The following NALF1 variants were observed in gnomAD, a reference collection of about 807,000 sequenced individuals.
NALF1 encodes the protein family with sequence similarity 155 member A.
A neutral mutation model predicts 48.4 loss-of-function variants in NALF1; 3 were observed. That is an observed-to-expected ratio of 0.06 (90% CI 0.03 to 0.16). NALF1 has a LOEUF of 0.16. Among genes scored for constraint, NALF1 ranks in the 10% least tolerant of loss-of-function variants. NALF1 has a pLI of 1.00. For synonymous variants in NALF1, 262 were observed against 245.7 expected (o/e 1.07, Z -0.62); for missense variants, 526 against 571.5 (o/e 0.92, Z 0.81).
chr13:107,639,099 T>C (rs568946828), intron 1 of NALF1, among the ~76,000 whole-genome samples: 1 of 152,228 alleles, frequency 6.6e-6, no homozygotes, highest in South Asian at 2.1e-4. Context: ...AGAGAAATAA[T>C]GAAAAAAAGC....
chr13:107,373,056 A>G (rs912163596), intron 1 of NALF1, among the ~76,000 whole-genome samples: 1 of 152,206 alleles, frequency 6.6e-6, no homozygotes, highest in Admixed American at 6.5e-5. Context: ...CTTTGGGATT[A>G]GTTCATGTAA....
intron 1 of NALF1, among the ~76,000 whole-genome samples, chr13:107,591,471 T>G (rs1453259820): frequency 6.6e-6 from 1 of 152,012 alleles, no homozygotes; most frequent in Non-Finnish European, 1.5e-5. Context: ...TTTACTTACT[T>G]TATTATACAC....
At chr13:107,379,460 A>AT (rs902527692) in intron 1 of NALF1, among the ~76,000 whole-genome samples, 83 of 152,138 alleles carry the variant, frequency 5.5e-4, no homozygotes, top group African/African-American at 2.0e-3. Flanking sequence ...TACCCTTTAC[A>AT]TTTTTCTGAG....
intron 1 of NALF1, among the ~76,000 whole-genome samples, chr13:107,274,093 T>A (rs1001066476): frequency 6.6e-6 from 1 of 152,186 alleles, no homozygotes; most frequent in South Asian, 2.1e-4. Context: ...AATTTTTATA[T>A]GTATGAAACT....
At chr13:107,527,896 G>C (rs1876497597) in intron 1 of NALF1, among the ~76,000 whole-genome samples, 1 of 152,036 alleles carries the variant, frequency 6.6e-6, no homozygotes, top group Non-Finnish European at 1.5e-5. Flanking sequence ...CCAGTCTCAG[G>C]TATGTCTTTA....
At chr13:107,845,206 T>C (rs1294302928) in intron 1 of NALF1, among the ~76,000 whole-genome samples, 2 of 152,332 alleles carry the variant, frequency 1.3e-5, no homozygotes, top group East Asian at 3.9e-4. Context: ...CATTTTGGCA[T>C]GACCCAAGTC....
At chr13:107,235,658 T>A (rs1204174836) in intron 1 of NALF1, among the ~76,000 whole-genome samples, 3 of 152,244 alleles carry the variant, frequency 2.0e-5, no homozygotes, top group Admixed American at 6.5e-5. Context: ...CATCCATTTT[T>A]AAAAATACTT....
chr13:107,813,243 GA>G lies in NALF1; in HGVS notation c.915+52438del, dbSNP rs560641439. On this transcript the variant is annotated intron_variant, in intron 1 of 2. Transcript: ENST00000375915. ...TTTCCCCATAGCAAATTATCACAGT[GA>G]ACAATGAAACCAAAGCTATAATTAA... 1.0e-3 allele frequency among the ~76,000 whole-genome samples: 155 copies of G among 152,208 alleles called. 1 individual carries two copies. The highest frequency in any genetic ancestry group is 1.4e-3 in the Non-Finnish European group (95 of 68,008).
intron 1 of NALF1, among the ~76,000 whole-genome samples, chr13:107,601,333 A>C (rs1020011335): frequency 6.6e-6 from 1 of 152,184 alleles, no homozygotes; most frequent in Non-Finnish European, 1.5e-5. Flanking sequence ...AACTTGAAAC[A>C]ATCTTGTAGA....
intron 1 of NALF1, among the ~76,000 whole-genome samples, chr13:107,370,397 C>G (rs1476445678): frequency 6.6e-6 from 1 of 152,186 alleles, no homozygotes; most frequent in Non-Finnish European, 1.5e-5. Flanking sequence ...TTCTATCACC[C>G]TGTGTTCTAA....
chr13:107,328,034 C>A (rs1882397853), intron 1 of NALF1, among the ~76,000 whole-genome samples: 1 of 152,014 alleles, frequency 6.6e-6, no homozygotes, highest in East Asian at 1.9e-4. Context: ...GATCCTCCCA[C>A]CTCTGCCTCC....
intron 1 of NALF1, among the ~76,000 whole-genome samples, chr13:107,553,511 A>T (rs1341882802): frequency 6.6e-6 from 1 of 152,190 alleles, no homozygotes; most frequent in African/African-American, 2.4e-5. Flanking sequence ...AAACCCTTTC[A>T]ATTGCTTCTG....
chr13:107,542,580 C>CTTT (rs1307997642), intron 1 of NALF1, among the ~76,000 whole-genome samples: 2 of 152,182 alleles, frequency 1.3e-5, no homozygotes, highest in East Asian at 1.9e-4. Context: ...AAGAACCAGA[C>CTTT]ATCAATATCA....
chr13:107,507,532 T>C (rs114613439), intron 1 of NALF1, among the ~76,000 whole-genome samples: 5,572 of 150,156 alleles, frequency 0.037, 205 homozygotes, highest in African/African-American at 0.088. Context: ...CATCCTTTTT[T>C]TTTGCTTTTT....
rs545996058 is a variant in NALF1 at position 107,865,834 on chromosome 13, C to G, written c.763G>C (p.Gly255Arg). 2 of 1,614,158 alleles carry G rather than the reference C, an allele frequency of 1.2e-6. No homozygotes were observed. Among genetic ancestry groups the G allele is most frequent in the African/African-American group, 1.3e-5 (1 of 75,038 alleles). The change falls in exon 1 of 3, where the codon GGC (glycine) becomes CGC (arginine). Residue 255 changes from glycine to arginine, a missense_variant. Transcript: ENST00000375915. ...NCSLDVVLKEGGEMTTCRQCV... is the reference protein window; with the variant it reads ...NCSLDVVLKERGEMTTCRQCV... ...TGCCTGCAAGTGGTCATCTCGCCGC[C>G]TTCCTTGAGCACCACATCCAGACTG...
chr13:107,180,571 AAAG>A (rs1246003816), intron 2 of NALF1, among the ~76,000 whole-genome samples: 1 of 151,964 alleles, frequency 6.6e-6, no homozygotes, highest in African/African-American at 2.4e-5. Flanking sequence ...TCATCTGAAA[AAAG>A]AAGAAACTAC....
intron 1 of NALF1, among the ~76,000 whole-genome samples, chr13:107,643,136 C>G (rs1298092273): frequency 6.6e-6 from 1 of 152,196 alleles, no homozygotes; most frequent in African/African-American, 2.4e-5. Flanking sequence ...CCCATCCAGA[C>G]AGAGTCCGCC....
At chr13:107,293,271 C>T (rs959175419) in intron 1 of NALF1, among the ~76,000 whole-genome samples, 4 of 152,146 alleles carry the variant, frequency 2.6e-5, no homozygotes, top group African/African-American at 7.2e-5. Context: ...TGAGCCACCG[C>T]GCTCAGCCAA....
chr13:107,246,086 G>A (rs1437908588), intron 1 of NALF1, among the ~76,000 whole-genome samples: 1 of 152,062 alleles, frequency 6.6e-6, no homozygotes, highest in African/African-American at 2.4e-5. Flanking sequence ...GCACAATGAG[G>A]TTCCTGAAAC....
Sources: allele counts gnomAD v4.1 joint callset (sites outside exome capture counted in the v4.1 genomes callset), GRCh38; gene constraint gnomAD v4.1.1; transcripts MANE v1.5; gene names NCBI Gene and HGNC (gene_info 2026-07-23, HGNC 2026-07-21).